GABRB2: variants seen among roughly 807,000 people sequenced by gnomAD.
GABRB2 encodes gamma-aminobutyric acid type A receptor subunit beta2.
A neutral mutation model predicts 54.7 loss-of-function variants in GABRB2; 16 were observed. The ratio of observed to expected loss-of-function variants is 0.29; its 90% CI spans 0.20 to 0.44. The LOEUF (loss-of-function observed/expected upper bound fraction) is 0.44, where lower values mean the gene tolerates loss of function less well. Among genes scored for constraint, GABRB2 ranks in the 20% least tolerant of loss-of-function variants. The pLI, the probability that GABRB2 is intolerant of heterozygous loss-of-function variation, is 1.00. For missense variants in GABRB2, 355 were observed against 644.0 expected (o/e 0.55, Z 4.86); for synonymous variants, 244 against 233.8 (o/e 1.04, Z -0.40).
At chr5:161,335,754 C>T (rs755129777) in intron 6 of GABRB2, among the ~76,000 whole-genome samples, 7 of 152,024 alleles carry the variant, frequency 4.6e-5, no homozygotes, top group African/African-American at 2.4e-5. Flanking sequence ...AGGAATTCAG[C>T]GGACCTCAAA....
intron 9 of GABRB2, among the ~76,000 whole-genome samples, chr5:161,300,592 G>A (rs551603536): frequency 1.8e-3 from 270 of 152,324 alleles, no homozygotes; most frequent in Non-Finnish European, 3.4e-3. Context: ...GACTCAGGTA[G>A]TGGTTTGGTG....
intron 5 of GABRB2, among the ~76,000 whole-genome samples, chr5:161,410,176 G>A (rs1032799456): frequency 2.6e-5 from 4 of 152,204 alleles, no homozygotes; most frequent in African/African-American, 9.6e-5. Context: ...GTGAAATAAA[G>A]TATGGAAACA....
intron 4 of GABRB2, among the ~76,000 whole-genome samples, chr5:161,416,644 C>T (rs1014076896): frequency 2.9e-5 from 4 of 137,674 alleles, no homozygotes; most frequent in Non-Finnish European, 4.5e-5. Flanking sequence ...TTGCGGTGAG[C>T]CGAGATCGCG....
At chr5:161,428,047 A>G (rs1353672118) in intron 4 of GABRB2, among the ~76,000 whole-genome samples, 1 of 152,184 alleles carries the variant, frequency 6.6e-6, no homozygotes, top group Non-Finnish European at 1.5e-5. Flanking sequence ...GCCCCATTCA[A>G]AAGCATATTA....
At chr5:161,377,122 T>C (rs1487884665) in intron 5 of GABRB2, among the ~76,000 whole-genome samples, 3 of 152,126 alleles carry the variant, frequency 2.0e-5, no homozygotes, top group Non-Finnish European at 4.4e-5. Flanking sequence ...ATTTAAGTCA[T>C]AATTGGCAAG....
chr5:161,319,050 T>C (rs1758128908), intron 9 of GABRB2, among the ~76,000 whole-genome samples: 1 of 151,896 alleles, frequency 6.6e-6, no homozygotes, highest in Admixed American at 6.6e-5. Flanking sequence ...ATTGTCGTTG[T>C]TCCTGTTTAA....
At chr5:161,435,208 G>GT (rs2113189337) in intron 4 of GABRB2, among the ~76,000 whole-genome samples, 1 of 152,046 alleles carries the variant, frequency 6.6e-6, no homozygotes, top group African/African-American at 2.4e-5. Flanking sequence ...CAACAAGAAG[G>GT]TATCAATGAG....
intron 5 of GABRB2, among the ~76,000 whole-genome samples, chr5:161,391,389 G>A (rs771335947): frequency 2.0e-5 from 3 of 152,126 alleles, no homozygotes; most frequent in Non-Finnish European, 4.4e-5. Context: ...AACAATCTGT[G>A]ATATCAAAGA....
At chr5:161,442,027 T>A (rs1159445351) in intron 4 of GABRB2, among the ~76,000 whole-genome samples, 1 of 152,058 alleles carries the variant, frequency 6.6e-6, no homozygotes, top group Non-Finnish European at 1.5e-5. Context: ...ATAGAAAGAA[T>A]GAATAAGACC....
intron 5 of GABRB2, among the ~76,000 whole-genome samples, chr5:161,337,478 C>A (rs1561613241): frequency 2.0e-5 from 3 of 152,138 alleles, no homozygotes; most frequent in African/African-American, 7.2e-5. Flanking sequence ...ACTGGACATG[C>A]ACAGTGCATT....
intron 4 of GABRB2, among the ~76,000 whole-genome samples, chr5:161,446,470 CCTGTCTGCT>C (rs1190239502): frequency 6.6e-6 from 1 of 152,014 alleles, no homozygotes; most frequent in African/African-American, 2.4e-5. Context: ...TGAGTACGTC[CCTGTCTGCT>C]CTGCCACTTC....
At chr5:161,479,669 A>G (rs1178192733) in intron 3 of GABRB2, among the ~76,000 whole-genome samples, 1 of 149,258 alleles carries the variant, frequency 6.7e-6, no homozygotes, top group Non-Finnish European at 1.5e-5. Context: ...AGCTCACAGC[A>G]ACTTCCGCCT....
intron 9 of GABRB2, among the ~76,000 whole-genome samples, chr5:161,313,982 T>C (rs1334486208): frequency 6.6e-6 from 1 of 152,238 alleles, no homozygotes; most frequent in Non-Finnish European, 1.5e-5. Context: ...TCCCAAACTT[T>C]GTGAGAAAAG....
At chr5:161,446,219 C>T (rs762776392) in intron 4 of GABRB2, among the ~76,000 whole-genome samples, 1 of 151,986 alleles carries the variant, frequency 6.6e-6, no homozygotes, top group East Asian at 1.9e-4. Context: ...ACTACTGTAC[C>T]TTCTATCTTC....
At chr5:161,328,236 A>C (rs1358023504) in intron 8 of GABRB2, among the ~76,000 whole-genome samples, 2 of 152,348 alleles carry the variant, frequency 1.3e-5, no homozygotes, top group East Asian at 3.9e-4. Flanking sequence ...ATGCTACTGC[A>C]TTCCACATGG....
intron 7 of GABRB2, among the ~76,000 whole-genome samples, chr5:161,331,428 G>T (rs1395687106): frequency 6.6e-6 from 1 of 152,138 alleles, no homozygotes; most frequent in Non-Finnish European, 1.5e-5. Flanking sequence ...TAAGGTAAGA[G>T]TTCAGAATAT....
intron 3 of GABRB2, among the ~76,000 whole-genome samples, chr5:161,533,474 G>C (rs1186441742): frequency 6.6e-6 from 1 of 151,998 alleles, no homozygotes; most frequent in Non-Finnish European, 1.5e-5. Flanking sequence ...GTAAAGTATA[G>C]CTGTATAAAT....
chr5:161,380,604 T>C (rs531672391), intron 5 of GABRB2, among the ~76,000 whole-genome samples: 2 of 152,228 alleles, frequency 1.3e-5, no homozygotes, highest in South Asian at 4.1e-4. Context: ...TGCTAACTTT[T>C]CTGTTTAGAA....
chr5:161,504,105 A>T (rs1277278611), intron 3 of GABRB2, among the ~76,000 whole-genome samples: 2 of 152,198 alleles, frequency 1.3e-5, no homozygotes, highest in Non-Finnish European at 2.9e-5. Context: ...CACAATGTAA[A>T]TTGGAATTTT....
Sources: gnomAD v4.1 joint callset for allele counts (sites outside exome capture counted in the v4.1 genomes callset) on GRCh38, gnomAD v4.1.1 for gene constraint, MANE v1.5 for transcripts, NCBI Gene and HGNC (gene_info 2026-07-23, HGNC 2026-07-21) for gene names.